The following FNIP1 variants were observed in gnomAD, a reference collection of about 807,000 sequenced individuals.
FNIP1 encodes the protein folliculin interacting protein 1.
Under a neutral mutation model 124.5 loss-of-function variants are expected in FNIP1, and 40 were observed. The ratio of observed to expected loss-of-function variants is 0.32; its 90% confidence interval spans 0.25 to 0.42. The LOEUF (loss-of-function observed/expected upper bound fraction) is 0.42. FNIP1 is among the 10% of genes least tolerant of loss of function. FNIP1 has a pLI of 1.00. For missense variants in FNIP1, 1,176 were observed against 1,403.7 expected (o/e 0.84, Z 2.59); for synonymous variants, 472 against 470.6 (o/e 1.00, Z -0.04).
chr5:131,741,603 G>A (rs910605762), intron 2 of FNIP1, among the ~76,000 whole-genome samples: 5 of 152,056 alleles, frequency 3.3e-5, no homozygotes, highest in South Asian at 4.1e-4. Context: ...TCAACCAAAC[G>A]CAGAAATGGA....
chr5:131,731,160 T>A lies in FNIP1; in HGVS notation c.220-122A>T, dbSNP rs73268267. 1.3e-3 allele frequency: 997 copies of A among 795,706 alleles called. 7 individuals are homozygous for A. In the African/African-American group the frequency reaches 0.013, roughly 11 times the overall value. 49.3% of individuals were successfully genotyped at this position (795,706 alleles called of 1,614,324 possible). ...AATAACTCAAAATACAACATTAATATGGCTATTGGCATTTTGCTGTATTTT... is the reference window on the plus strand; with the variant it reads ...AATAACTCAAAATACAACATTAATAAGGCTATTGGCATTTTGCTGTATTTT... On this transcript the variant is annotated intron_variant, in intron 2 of 17. Transcript: ENST00000510461.
chr5:131,784,522 T>C (rs1772096881), intron 1 of FNIP1, among the ~76,000 whole-genome samples: 1 of 152,088 alleles, frequency 6.6e-6, no homozygotes. Context: ...TTTAATTTGT[T>C]TGAAACTATA....
At chr5:131,678,626 T>G (rs866346806) in intron 12 of FNIP1, among the ~76,000 whole-genome samples, 156 of 152,194 alleles carry the variant, frequency 1.0e-3, no homozygotes, top group Admixed American at 2.1e-3. Flanking sequence ...TTAGCCAGGA[T>G]GTCTCGATCT....
chr5:131,705,289 C>T (rs1018935351), intron 9 of FNIP1, among the ~76,000 whole-genome samples: 4 of 150,082 alleles, frequency 2.7e-5, no homozygotes, highest in Non-Finnish European at 4.4e-5. Context: ...GGCAACATGG[C>T]GAAACCCCAT....
intron 15 of FNIP1, among the ~76,000 whole-genome samples, chr5:131,655,875 G>A (rs542355415): frequency 1.3e-5 from 2 of 151,394 alleles, no homozygotes; most frequent in African/African-American, 2.4e-5. Context: ...CCAAGATTGC[G>A]TCACTGCACT....
chr5:131,712,687 A>AT, intron 6 of FNIP1, among the ~76,000 whole-genome samples: 1 of 152,200 alleles, frequency 6.6e-6, no homozygotes. Flanking sequence ...ATATTCTTCA[A>AT]TTTTTTGGTT....
At chr5:131,655,355 A>C (rs1482271104) in intron 15 of FNIP1, among the ~76,000 whole-genome samples, 1 of 152,156 alleles carries the variant, frequency 6.6e-6, no homozygotes, top group African/African-American at 2.4e-5. Flanking sequence ...ACAAACAAAC[A>C]AACAAAAAAA....
At chr5:131,704,981 C>A (rs773314823) in intron 9 of FNIP1, among the ~76,000 whole-genome samples, 2 of 151,888 alleles carry the variant, frequency 1.3e-5, no homozygotes, top group Non-Finnish European at 2.9e-5. Context: ...AGGACACTAT[C>A]AATGGAGTAA....
At chr5:131,710,545 C>T in intron 7 of FNIP1, 33 bp downstream of exon 7, 1 of 1,601,724 alleles carries the variant, frequency 6.2e-7, no homozygotes, top group Non-Finnish European at 8.5e-7. Flanking sequence ...TTGGGGCACA[C>T]CAACTAGTCT....
intron 15 of FNIP1, among the ~76,000 whole-genome samples, chr5:131,659,913 C>CTTCA (rs1767368074): frequency 6.6e-6 from 1 of 152,188 alleles, no homozygotes; most frequent in Non-Finnish European, 1.5e-5. Context: ...CCATGGGGTA[C>CTTCA]TTCAGGGTCA....
At chr5:131,788,706 A>G (rs548575465) in intron 1 of FNIP1, among the ~76,000 whole-genome samples, 17 of 151,372 alleles carry the variant, frequency 1.1e-4, no homozygotes, top group Admixed American at 2.6e-4. Context: ...AAAAAAAAAA[A>G]AAAAAAAAAA....
At chr5:131,645,145 C>A (rs1175226688) in intron 17 of FNIP1, among the ~76,000 whole-genome samples, 3 of 151,838 alleles carry the variant, frequency 2.0e-5, no homozygotes, top group East Asian at 1.9e-4. Context: ...GATAATGAGA[C>A]CCTGTCTCCA....
chr5:131,718,837 T>G, intron 5 of FNIP1, 149 bp downstream of exon 5: 1 of 551,502 alleles, frequency 1.8e-6, no homozygotes, highest in South Asian at 2.4e-5. Flanking sequence ...TAAACTCAAT[T>G]AAGAGTGAAA....
intron 10 of FNIP1, among the ~76,000 whole-genome samples, chr5:131,701,589 T>C (rs1000892859): frequency 6.6e-6 from 1 of 152,228 alleles, no homozygotes; most frequent in African/African-American, 2.4e-5. Context: ...AATGAACTAT[T>C]TATTTTTTGA....
intron 6 of FNIP1, among the ~76,000 whole-genome samples, chr5:131,712,163 C>T (rs1474767727): frequency 6.6e-6 from 1 of 152,132 alleles, no homozygotes; most frequent in Non-Finnish European, 1.5e-5. Flanking sequence ...GTGCTAGTGA[C>T]TTATTAAAAA....
At chr5:131,703,740 T>C (rs183135504) in intron 10 of FNIP1, among the ~76,000 whole-genome samples, 8 of 152,382 alleles carry the variant, frequency 5.2e-5, no homozygotes, top group African/African-American at 1.4e-4. Flanking sequence ...ACAGGACTTA[T>C]TACATACATC....
At chr5:131,689,976 T>C (rs1768419431) in intron 11 of FNIP1, among the ~76,000 whole-genome samples, 2 of 152,076 alleles carry the variant, frequency 1.3e-5, no homozygotes, top group Non-Finnish European at 2.9e-5. Flanking sequence ...ATCCTAGCAC[T>C]TTGGGAGGCC....
chr5:131,715,792 T>C (rs1014961599), intron 6 of FNIP1, among the ~76,000 whole-genome samples: 9 of 151,970 alleles, frequency 5.9e-5, no homozygotes, highest in African/African-American at 1.7e-4. Context: ...TAGGATGTCA[T>C]ACAGTTCAAG....
At chr5:131,737,082 CAT>C (rs1770336343) in intron 2 of FNIP1, among the ~76,000 whole-genome samples, 1 of 152,114 alleles carries the variant, frequency 6.6e-6, no homozygotes, top group Admixed American at 6.6e-5. Flanking sequence ...GTGGGCTAGA[CAT>C]AAAGTACAGC....
Sources: allele counts gnomAD v4.1 joint callset (sites outside exome capture counted in the v4.1 genomes callset), GRCh38; gene constraint gnomAD v4.1.1; transcripts MANE v1.5; gene names NCBI Gene and HGNC (gene_info 2026-07-23, HGNC 2026-07-21).